ASS1: variants seen among roughly 807,000 people sequenced by gnomAD.
ASS1 encodes the protein argininosuccinate synthase 1.
A neutral mutation model predicts 60.5 loss-of-function variants in ASS1; 58 were observed. That is an observed-to-expected ratio of 0.96 (90% CI 0.78 to 1.19). The LOEUF is 1.19. Ranked by LOEUF, ASS1 falls within the 50% of genes most tolerant of loss-of-function variation. The pLI is 0.00. For synonymous variants in ASS1, 200 were observed against 206.9 expected (o/e 0.97, Z 0.29); for missense variants, 454 against 547.3 (o/e 0.83, Z 1.70).
In ASS1 at chr9:130,458,455, A is replaced by T. The variant is rs776718909; in HGVS notation, c.229A>T (p.Ile77Phe). 6.2e-7 allele frequency: 1 copy of T among 1,612,190 alleles called. No homozygotes were observed. Among genetic ancestry groups the T allele is most frequent in the Non-Finnish European group, 8.5e-7 (1 of 1,179,862 alleles). Residue 77 changes from isoleucine to phenylalanine, a missense_variant, in exon 4 of 15, where the codon ATC becomes TTC. By Grantham distance (21) the Ile-to-Phe change is conservative. Coordinates refer to ENST00000352480, the MANE Select transcript of ASS1 (RefSeq NM_054012.4). The stretch of plus-strand genomic sequence containing the variant: ...TGTGGAGGAGTTCATCTGGCCGGCC[A>T]TCCAGTCCAGCGCACTGTATGAGGA... ...EFVEEFIWPA[I>F]QSSALYEDRY...
intron 12 of ASS1, among the ~76,000 whole-genome samples, chr9:130,493,615 C>T (rs1014288293): frequency 6.6e-6 from 1 of 152,230 alleles, no homozygotes; most frequent in Non-Finnish European, 1.5e-5. Flanking sequence ...ATAGCCGCAG[C>T]CCCTGGGCTG....
intron 3 of ASS1, 102 bp from the exon 4 acceptor site, chr9:130,458,299 T>A: frequency 7.5e-7 from 1 of 1,328,756 alleles, no homozygotes; most frequent in Non-Finnish European, 1.1e-6. Flanking sequence ...ACAGCGGGGG[T>A]GGCCCCGTAT....
At chr9:130,467,093 G>A (rs762120304) in intron 6 of ASS1, among the ~76,000 whole-genome samples, 4 of 152,110 alleles carry the variant, frequency 2.6e-5, no homozygotes, top group Non-Finnish European at 5.9e-5. Context: ...CCTGGGAGGC[G>A]GAGACCAGAG....
Position 130,490,303 on chromosome 9 carries a change from T to TTTTATTTATTTA in ASS1, c.970+855_970+866dup, listed in dbSNP as rs1039187131. Among the ~76,000 whole-genome samples, 429 of 152,210 alleles carry TTTTATTTATTTA rather than the reference T, an allele frequency of 2.8e-3. 1 individual carries two copies. The highest frequency in any genetic ancestry group is 0.01 in the African/African-American group (416 of 41,536). On this transcript the variant is annotated intron_variant, in intron 12 of 14. Transcript: ENST00000352480. ...GCTAAGAATAGTTTTTACATTTTTA[T>TTTTATTTATTTA]TTTATTTATTTATTTATTTATTTAT...
chr9:130,462,547 C>T (rs1845624740), intron 4 of ASS1, among the ~76,000 whole-genome samples: 1 of 152,134 alleles, frequency 6.6e-6, no homozygotes, highest in Non-Finnish European at 1.5e-5. Flanking sequence ...GTCCGCATGG[C>T]AGCATCTGGA....
rs778658154 is a variant in ASS1, at chr9:130,489,395, A to G, written c.901A>G (p.Thr301Ala). Reference protein sequence around the residue: ...YHAHLDIEAFTMDREVRKIKQ... With the variant: ...YHAHLDIEAFAMDREVRKIKQ... ...TGCTCATTTAGACATCGAGGCCTTC[A>G]CCATGGACCGGGAAGTGCGCAAAAT... is the stretch of plus-strand genomic sequence containing the variant. The change falls in exon 12 of 15, where the codon ACC becomes GCC. Residue 301 changes from threonine (T) to alanine (A), a missense_variant. Coordinates refer to ENST00000352480, the MANE Select transcript of ASS1 (RefSeq NM_054012.4). The surrounding 1 kb of genome is among the most constrained non-coding windows in gnomAD (Gnocchi z 4.1). 6.2e-7 allele frequency: 1 copy of G among 1,613,936 alleles called. No homozygotes were observed. The highest frequency in any genetic ancestry group is 8.5e-7 in the Non-Finnish European group (1 of 1,179,990).
rs1846009888 is a variant in ASS1, at chr9:130,476,084, T to C, written c.598-787T>C. Among the ~76,000 whole-genome samples the C allele has an allele frequency of 6.6e-6, 1 of 152,106 alleles. No homozygotes were observed. Among genetic ancestry groups the C allele is most frequent in the Admixed American group, 6.5e-5 (1 of 15,278 alleles). ...GTCTGCAAGGTTTTTAAAGCAAAGA[T>C]GAGACAGCAGTTCCTGGATGTCAGC... is the stretch of plus-strand genomic sequence containing the variant. On this transcript the variant is annotated intron_variant, in intron 8 of 14. Transcript: ENST00000352480. This position sits in a 1 kb window ranked among gnomAD's most constrained non-coding sequence, Gnocchi z 4.9.
chr9:130,495,130 GCA>G, intron 13 of ASS1, 107 bp downstream of exon 13: 1 of 1,424,144 alleles, frequency 7.0e-7, no homozygotes, highest in Non-Finnish European at 9.6e-7. Flanking sequence ...ACCATGCAGA[GCA>G]CAGAGTGATG....
At position 130,500,963 on chromosome 9, in the gene ASS1, A is replaced by G; in HGVS notation, c.1194-13A>G. ...TAATTTACATTTTTCTTTGTTTTGA[A>G]TCTGGTTTACAGGCTGAAGGAATAT... is the stretch of plus-strand genomic sequence containing the variant. On this transcript the variant is annotated splice_polypyrimidine_tract_variant and intron_variant, in intron 14 of 14. Transcript: ENST00000352480. 8.1e-6 allele frequency: 13 copies of G among 1,613,328 alleles called. No homozygotes were observed. The highest frequency in any genetic ancestry group is 1.0e-5 in the Non-Finnish European group (12 of 1,179,502).
chr9:130,471,938 C>T (rs979070727), intron 8 of ASS1, among the ~76,000 whole-genome samples: 9 of 152,194 alleles, frequency 5.9e-5, no homozygotes, highest in South Asian at 2.1e-4. Flanking sequence ...GCCCTAGGCC[C>T]CATTTGTCTG....
intron 11 of ASS1, among the ~76,000 whole-genome samples, chr9:130,480,856 C>T (rs1224852530): frequency 6.6e-6 from 1 of 152,244 alleles, no homozygotes; most frequent in African/African-American, 2.4e-5. Context: ...GGCGAAAATC[C>T]TGCCAGGGGT....
At position 130,494,443 on chromosome 9, in the gene ASS1, GC is replaced by G. The variant is rs1429683733; in HGVS notation, c.971-420del. Among the ~76,000 whole-genome samples the G allele has an allele frequency of 6.6e-6, 1 of 152,214 alleles. No individual in the cohort carries two copies. The highest frequency in any genetic ancestry group is 1.9e-4 in the East Asian group (1 of 5,194). ...CTGCACTGGACACCCATATCACCAAGCCCCAGGCAGCATGTGCCTCTGAGTC... is the reference window on the plus strand; with the variant it reads ...CTGCACTGGACACCCATATCACCAAGCCCAGGCAGCATGTGCCTCTGAGTC... On this transcript the variant is annotated intron_variant, in intron 12 of 14. Coordinates refer to ENST00000352480, the MANE Select transcript of ASS1 (RefSeq NM_054012.4). The surrounding 1 kb of genome is among the most constrained non-coding windows in gnomAD (Gnocchi z 4.3).
Position 130,470,686 on chromosome 9 carries a change from T to A in ASS1, c.496-148T>A, listed in dbSNP as rs1170180938. ...CAGCAATAGGGTCCCCCCAGGGAGG[T>A]GACCGTGACCAACACTAGGAGGTAG... is the stretch of plus-strand genomic sequence containing the variant. On this transcript the variant is annotated intron_variant, in intron 6 of 14. Coordinates refer to ENST00000352480, the MANE Select transcript of ASS1 (RefSeq NM_054012.4). The surrounding 1 kb of genome is among the most constrained non-coding windows in gnomAD (Gnocchi z 4.3). 1 of 809,042 alleles carries A rather than the reference T, an allele frequency of 1.2e-6. No homozygotes were observed. The highest frequency in any genetic ancestry group is 2.2e-6 in the Non-Finnish European group (1 of 461,008). The allele number at this position is 809,042 out of a possible 1,614,324, so 50.1% of individuals were successfully genotyped here.
chr9:130,492,240 G>T (rs1846467425), intron 12 of ASS1, among the ~76,000 whole-genome samples: 1 of 152,128 alleles, frequency 6.6e-6, no homozygotes, highest in African/African-American at 2.4e-5. Flanking sequence ...TCTCTTCCTT[G>T]AGCCTCAGTT....
chr9:130,486,509 A>G (rs554629), intron 11 of ASS1, among the ~76,000 whole-genome samples: 49,200 of 151,732 alleles, frequency 0.32, 8,549 homozygotes, highest in East Asian at 0.61. Context: ...GCTCTGAGCT[A>G]CTCTGCAGAA....
intron 12 of ASS1, among the ~76,000 whole-genome samples, chr9:130,492,845 G>A (rs1846481735): frequency 6.6e-6 from 1 of 152,142 alleles, no homozygotes; most frequent in African/African-American, 2.4e-5. Context: ...GGGGGTGCAG[G>A]GTCTCCCCCA....
At chr9:130,457,515 T>C (rs547673840) in intron 3 of ASS1, among the ~76,000 whole-genome samples, 4 of 152,186 alleles carry the variant, frequency 2.6e-5, no homozygotes, top group African/African-American at 9.6e-5. Flanking sequence ...CCCTGAAAAG[T>C]CATTGGGAAC....
In ASS1 at chr9:130,452,338, G is replaced by A. The variant is rs1329809424; in HGVS notation, c.105+5G>A. On this transcript the variant is annotated splice_donor_5th_base_variant and intron_variant, in intron 2 of 14. Coordinates refer to ENST00000352480, the MANE Select transcript of ASS1 (RefSeq NM_054012.4). The stretch of plus-strand genomic sequence containing the variant: ...TATGACGTCATTGCCTATCTGGTGA[G>A]GGAGCGACCTGGGTGTCTGTCTTCC... 1.2e-6 allele frequency: 2 copies of A among 1,612,466 alleles called. No individual in the cohort carries two copies. Among genetic ancestry groups the A allele is most frequent in the East Asian group, 4.5e-5 (2 of 44,862 alleles).
At chr9:130,465,168 G>C (rs1845705788) in intron 5 of ASS1, among the ~76,000 whole-genome samples, 1 of 151,082 alleles carries the variant, frequency 6.6e-6, no homozygotes, top group Non-Finnish European at 1.5e-5. Context: ...CCCTGACTCA[G>C]CTCCTGAATA....
Sources: allele counts gnomAD v4.1 joint callset (sites outside exome capture counted in the v4.1 genomes callset), GRCh38; gene constraint gnomAD v4.1.1; non-coding constraint Gnocchi (gnomAD v3.1); transcripts MANE v1.5; gene names NCBI Gene and HGNC (gene_info 2026-07-23, HGNC 2026-07-21).